NCOA2: variants seen among roughly 807,000 people sequenced by gnomAD.
NCOA2 encodes nuclear receptor coactivator 2.
NCOA2 carries 21 observed loss-of-function variants against 145.1 expected under a neutral mutation model. That is an observed-to-expected ratio of 0.14 (90% CI 0.10 to 0.21). The LOEUF (loss-of-function observed/expected upper bound fraction) is 0.21. NCOA2 is among the 10% of genes least tolerant of loss of function. The pLI, the probability that NCOA2 is intolerant of heterozygous loss-of-function variation, is 1.00. For synonymous variants in NCOA2, 619 were observed against 637.5 expected, an observed-to-expected ratio of 0.97 and a Z score of 0.44; for missense variants, 1,472 against 1,837.6, an observed-to-expected ratio of 0.80 and a Z score of 3.64.
chr8:70,118,567 G>T (rs1807407326), intron 22 of NCOA2, among the ~76,000 whole-genome samples: 1 of 152,078 alleles, frequency 6.6e-6, no homozygotes. Flanking sequence ...GTTAAAATCT[G>T]GAGCAAACTT....
At chr8:70,203,261 C>CAAAAAAAAAAAAAA (rs34990647) in intron 4 of NCOA2, among the ~76,000 whole-genome samples, 8 of 121,914 alleles carry the variant, frequency 6.6e-5, no homozygotes, top group African/African-American at 2.0e-4. Context: ...GACTCTGTCT[C>CAAAAAAAAAAAAAA]AAAAAAAAAA....
the NCOA2 span, among the ~76,000 whole-genome samples, chr8:70,425,706 T>C: frequency 1.9e-4 from 29 of 152,310 alleles, no homozygotes; most frequent in Admixed American, 8.5e-4. Flanking sequence ...CTAAGTCTAG[T>C]TTTTAGCACC....
intron 4 of NCOA2, among the ~76,000 whole-genome samples, chr8:70,208,994 AG>A (rs1172270143): frequency 6.6e-6 from 1 of 152,246 alleles, no homozygotes; most frequent in Non-Finnish European, 1.5e-5. Flanking sequence ...TTCTTCTGAT[AG>A]ATCTGGGCAA....
intron 2 of NCOA2, among the ~76,000 whole-genome samples, chr8:70,270,618 T>C (rs1406161697): frequency 1.3e-5 from 2 of 152,156 alleles, no homozygotes; most frequent in Non-Finnish European, 2.9e-5. Flanking sequence ...ATCCCATTAT[T>C]TGTTATATAA....
chr8:70,386,226 T>C (rs193074114), intron 1 of NCOA2, among the ~76,000 whole-genome samples: 6 of 152,342 alleles, frequency 3.9e-5, no homozygotes, highest in Non-Finnish European at 5.9e-5. Context: ...ATCCATACTT[T>C]TATAAATCTC....
intron 2 of NCOA2, among the ~76,000 whole-genome samples, chr8:70,275,597 A>C (rs1008986874): frequency 6.6e-6 from 1 of 152,102 alleles, no homozygotes; most frequent in Non-Finnish European, 1.5e-5. Context: ...AAAAACAAAC[A>C]GCTAACCAAA....
At chr8:70,116,911 G>C (rs1382629947) in intron 22 of NCOA2, among the ~76,000 whole-genome samples, 1 of 152,226 alleles carries the variant, frequency 6.6e-6, no homozygotes, top group Non-Finnish European at 1.5e-5. Context: ...CTGGAGTGCA[G>C]TGGCTGTTCA....
At chr8:70,141,145 C>A in intron 14 of NCOA2, 39 bp downstream of exon 14, 1 of 1,570,554 alleles carries the variant, frequency 6.4e-7, no homozygotes, top group Non-Finnish European at 8.7e-7. Context: ...TCTAAGAGAG[C>A]ATAAAAGTTA....
chr8:70,451,282 C>T, the NCOA2 span, among the ~76,000 whole-genome samples: 1 of 144,000 alleles, frequency 6.9e-6, no homozygotes, highest in Non-Finnish European at 1.5e-5. Flanking sequence ...GCAGCACGCA[C>T]CTGTAGTCCC....
At chr8:70,375,229 T>G (rs983863681) in intron 1 of NCOA2, among the ~76,000 whole-genome samples, 7 of 152,226 alleles carry the variant, frequency 4.6e-5, no homozygotes, top group African/African-American at 1.4e-4. Context: ...AAAAATAAAG[T>G]ACTTGTGCAT....
chr8:70,226,335 AAAAC>A (rs1335284094), intron 2 of NCOA2, among the ~76,000 whole-genome samples: 1 of 152,090 alleles, frequency 6.6e-6, no homozygotes, highest in Non-Finnish European at 1.5e-5. Context: ...GCTGCTGGGA[AAAAC>A]AAACAAACTA....
intron 1 of NCOA2, among the ~76,000 whole-genome samples, chr8:70,349,358 T>C (rs1472692717): frequency 6.6e-6 from 1 of 152,160 alleles, no homozygotes. Flanking sequence ...ACAGACATTA[T>C]CAAATTTACA....
chr8:70,446,145 G>A, the NCOA2 span, among the ~76,000 whole-genome samples: 2 of 151,986 alleles, frequency 1.3e-5, no homozygotes, highest in African/African-American at 2.4e-5. Context: ...GCTCTTCAGA[G>A]CAAGCTGTCT....
intron 11 of NCOA2, among the ~76,000 whole-genome samples, chr8:70,153,426 T>C (rs1256182341): frequency 6.6e-6 from 1 of 152,222 alleles, no homozygotes; most frequent in East Asian, 1.9e-4. Flanking sequence ...AACTCCTCTT[T>C]TGTCAGTTTC....
intron 4 of NCOA2, among the ~76,000 whole-genome samples, chr8:70,191,626 G>C (rs575772739): frequency 3.9e-5 from 6 of 152,318 alleles, no homozygotes; most frequent in South Asian, 4.1e-4. Context: ...GAGAGAGGGA[G>C]GAAGAGAGAG....
intron 1 of NCOA2, among the ~76,000 whole-genome samples, chr8:70,315,256 T>C (rs1274465847): frequency 6.6e-6 from 1 of 152,058 alleles, no homozygotes; most frequent in Non-Finnish European, 1.5e-5. Context: ...ATTGAGAAAA[T>C]GAGGTAAAAT....
chr8:70,221,375 C>T (rs1563642719), intron 2 of NCOA2, among the ~76,000 whole-genome samples: 1 of 152,152 alleles, frequency 6.6e-6, no homozygotes, highest in Non-Finnish European at 1.5e-5. Flanking sequence ...AACATTTGCT[C>T]ATTCTAAACT....
chr8:70,408,967 A>G, the NCOA2 span, among the ~76,000 whole-genome samples: 3 of 152,022 alleles, frequency 2.0e-5, no homozygotes, highest in Non-Finnish European at 4.4e-5. Context: ...GACCAGGTAT[A>G]GTGGCTCATG....
intron 1 of NCOA2, among the ~76,000 whole-genome samples, chr8:70,319,473 TG>T (rs1431971138): frequency 6.6e-6 from 1 of 151,834 alleles, no homozygotes; most frequent in African/African-American, 2.4e-5. Flanking sequence ...GCCCAGGACG[TG>T]GAGGTTACAG....
Sources: gnomAD v4.1 joint callset for allele counts (sites outside exome capture counted in the v4.1 genomes callset) on GRCh38, gnomAD v4.1.1 for gene constraint, MANE v1.5 for transcripts, NCBI Gene and HGNC (gene_info 2026-07-23, HGNC 2026-07-21) for gene names.